Variants in FRG1 observed in about 807,000 individuals in gnomAD.
The protein encoded by FRG1 is protein FRG1.
FRG1 carries 19 observed loss-of-function variants against 37.0 expected under a neutral mutation model. That is an observed-to-expected ratio of 0.51 (90% confidence interval 0.36 to 0.75). The LOEUF is 0.75. Among genes scored for constraint, FRG1 ranks in the 30% least tolerant of loss-of-function variants. The pLI is 0.00. For missense variants in FRG1, 243 were observed against 301.4 expected (o/e 0.81, Z 1.44); for synonymous variants, 73 against 96.5 (o/e 0.76, Z 1.43).
At chr4:189,946,844 TG>T (rs1475042619) in intron 2 of FRG1, among the ~76,000 whole-genome samples, 3 of 149,792 alleles carry the variant, frequency 2.0e-5, no homozygotes, top group Non-Finnish European at 4.4e-5. Flanking sequence ...CAGGGTTTTT[TG>T]TTTGTTTGTT....
intron 8 of FRG1, among the ~76,000 whole-genome samples, 200 bp from the exon 9 acceptor site, chr4:189,962,893 G>A (rs1737296432): frequency 6.6e-6 from 1 of 152,094 alleles, no homozygotes; most frequent in Non-Finnish European, 1.5e-5. Flanking sequence ...AACATTTATT[G>A]AATATTAGGA....
intron 6 of FRG1, among the ~76,000 whole-genome samples, chr4:189,959,281 T>C (rs377345720): frequency 2.8e-4 from 42 of 152,352 alleles, no homozygotes; most frequent in South Asian, 1.9e-3. Flanking sequence ...TATTTTTTCA[T>C]TGCATGCACC....
chr4:189,949,009 A>G (rs1246144916), intron 2 of FRG1, among the ~76,000 whole-genome samples: 1 of 152,168 alleles, frequency 6.6e-6, no homozygotes, highest in Non-Finnish European at 1.5e-5. Context: ...CTATGTGACA[A>G]TATGTGTAAA....
Position 189,953,096 on chromosome 4 carries a change from G to T in FRG1, c.288G>T (p.Gln96His). 1 of 1,588,300 alleles carries T rather than the reference G, an allele frequency of 6.3e-7. No homozygotes were observed. Among genetic ancestry groups the T allele is most frequent in the Non-Finnish European group, 8.6e-7 (1 of 1,169,228 alleles). Residue 96 changes from glutamine (Q) to histidine (H), a missense_variant, in exon 4 of 9, where the codon CAG becomes CAT. Gln to His is a conservative substitution (Grantham distance 24, BLOSUM62 0). Transcript: ENST00000226798. ...ATGAGGGCCCTAGTCCTCCAGAGCA[G>T]TTTACGGCTGTCAAATTATCTGATT... ...EVDEGPSPPE[Q>H]FTAVKLSDSR...
At chr4:189,951,639 T>C (rs868695048) in intron 2 of FRG1, among the ~76,000 whole-genome samples, 1 of 152,124 alleles carries the variant, frequency 6.6e-6, no homozygotes, top group South Asian at 2.1e-4. Flanking sequence ...ATATGTCACT[T>C]TGTACCTTCA....
chr4:189,948,416 A>G (rs963538692), intron 2 of FRG1, among the ~76,000 whole-genome samples: 2 of 152,242 alleles, frequency 1.3e-5, no homozygotes, highest in Non-Finnish European at 2.9e-5. Context: ...TTATTTACCC[A>G]GGAACTAAAG....
chr4:189,959,005 G>A (rs532031009), intron 6 of FRG1, among the ~76,000 whole-genome samples: 1 of 152,304 alleles, frequency 6.6e-6, no homozygotes, highest in African/African-American at 2.4e-5. Context: ...GGCCAGAGTG[G>A]AAGGCTCTAA....
intron 2 of FRG1, among the ~76,000 whole-genome samples, chr4:189,948,518 A>G (rs1479687274): frequency 1.3e-5 from 2 of 152,210 alleles, no homozygotes; most frequent in South Asian, 2.1e-4. Context: ...AATCTAAGAT[A>G]TATCATTCCT....
intron 5 of FRG1, among the ~76,000 whole-genome samples, chr4:189,956,249 C>T (rs1406513107): frequency 1.3e-5 from 2 of 152,052 alleles, no homozygotes; most frequent in Admixed American, 6.6e-5. Flanking sequence ...CAGGAAACAA[C>T]ACTACATTGA....
At chr4:189,961,218 T>G (rs1320630078) in intron 7 of FRG1, 1 of 178,226 alleles carries the variant, frequency 5.6e-6, no homozygotes, top group Admixed American at 5.5e-5. Flanking sequence ...AATCTCTCTA[T>G]TCATTCATAG....
intron 4 of FRG1, 121 bp downstream of exon 4, chr4:189,953,246 C>T: frequency 7.4e-7 from 1 of 1,354,618 alleles, no homozygotes. Context: ...AACAAAATAG[C>T]TTTTTTGAAA....
Position 189,947,286 on chromosome 4 carries a change from T to C in FRG1, c.133+4014T>C, listed in dbSNP as rs141904061. 4.2e-3 allele frequency among the ~76,000 whole-genome samples: 634 copies of C among 151,400 alleles called. 4 individuals carry two copies. Among genetic ancestry groups the C allele is most frequent in the African/African-American group, 0.015 (607 of 40,864 alleles). ...CTCCAGCGGTAATTCTAGATCTGTCTACTTGAGCAGTTTTTGCTTAAAGTA... is the reference window on the plus strand; with the variant it reads ...CTCCAGCGGTAATTCTAGATCTGTCCACTTGAGCAGTTTTTGCTTAAAGTA... On this transcript the variant is annotated intron_variant, in intron 2 of 8. Coordinates refer to ENST00000226798, the MANE Select transcript of FRG1 (RefSeq NM_004477.3).
chr4:189,948,616 A>G (rs1044912484), intron 2 of FRG1, among the ~76,000 whole-genome samples: 1 of 152,166 alleles, frequency 6.6e-6, no homozygotes, highest in Non-Finnish European at 1.5e-5. Flanking sequence ...GTGAGCTGTC[A>G]CACAGCCTTG....
intron 2 of FRG1, 66 bp downstream of exon 2, chr4:189,943,338 T>C: frequency 6.5e-7 from 1 of 1,535,862 alleles, no homozygotes; most frequent in Non-Finnish European, 8.8e-7. Flanking sequence ...CTTGAAAGTG[T>C]TTTCCTAGTT....
At chr4:189,954,591 TTTTC>T (rs1044687870) in intron 4 of FRG1, among the ~76,000 whole-genome samples, 9 of 136,410 alleles carry the variant, frequency 6.6e-5, no homozygotes, top group Non-Finnish European at 8.2e-5. Flanking sequence ...CATGTAGCTT[TTTTC>T]TTTTTTTTTT....
At chr4:189,953,782 T>G (rs1012165246) in intron 4 of FRG1, among the ~76,000 whole-genome samples, 16 of 152,196 alleles carry the variant, frequency 1.1e-4, no homozygotes, top group African/African-American at 3.9e-4. Flanking sequence ...AAAATCACAT[T>G]AAGATGATTA....
chr4:189,957,638 G>C (rs537084482), intron 6 of FRG1, 136 bp downstream of exon 6: 389 of 763,876 alleles, frequency 5.1e-4, no homozygotes, highest in Non-Finnish European at 7.8e-4. Context: ...GTTTCAAATA[G>C]ACTCATTTTT....
At chr4:189,954,983 C>G (rs1179046080) in intron 4 of FRG1, 54 bp from the exon 5 acceptor site, 1 of 1,094,208 alleles carries the variant, frequency 9.1e-7, no homozygotes. Flanking sequence ...TTTTGATGTC[C>G]TATAATTAAT....
At chr4:189,961,622 G>A (rs1167871060) in intron 7 of FRG1, 200 bp from the exon 8 acceptor site, 3 of 388,630 alleles carry the variant, frequency 7.7e-6, no homozygotes, top group Admixed American at 9.3e-5. Context: ...TGGCCAGGCT[G>A]TTCTCGAACT....
Sources: allele counts gnomAD v4.1 joint callset (sites outside exome capture counted in the v4.1 genomes callset), GRCh38; gene constraint gnomAD v4.1.1; transcripts MANE v1.5; gene names NCBI Gene and HGNC (gene_info 2026-07-23, HGNC 2026-07-21).